Variants in IGSF11 observed in about 807,000 individuals in gnomAD.
IGSF11 encodes immunoglobulin superfamily member 11.
IGSF11 carries 22 observed loss-of-function variants against 41.0 expected under a neutral mutation model. The observed-to-expected ratio is 0.54, with a 90% CI of 0.38 to 0.77. The LOEUF (loss-of-function observed/expected upper bound fraction) is 0.77, where lower values mean the gene tolerates loss of function less well. Among genes scored for constraint, IGSF11 ranks in the 30% least tolerant of loss-of-function variants. The pLI is 0.00. For missense variants in IGSF11, 444 were observed against 530.8 expected, an observed-to-expected ratio of 0.84 and a Z score of 1.61; for synonymous variants, 219 against 201.3, an observed-to-expected ratio of 1.09 and a Z score of -0.74.
intron 1 of IGSF11, among the ~76,000 whole-genome samples, chr3:118,982,838 G>C (rs115420846): frequency 6.6e-6 from 1 of 152,040 alleles, no homozygotes; most frequent in Admixed American, 6.5e-5. Context: ...TGACAAACTC[G>C]CAGCAGTTTT....
intron 1 of IGSF11, among the ~76,000 whole-genome samples, chr3:119,092,925 T>C (rs552607780): frequency 4.5e-4 from 68 of 152,352 alleles, no homozygotes; most frequent in Non-Finnish European, 9.1e-4. Context: ...AGGTGTTTAG[T>C]AGGGCTATAC....
intron 1 of IGSF11, among the ~76,000 whole-genome samples, chr3:119,028,260 T>C (rs527337062): frequency 6.6e-6 from 1 of 152,214 alleles, no homozygotes; most frequent in East Asian, 1.9e-4. Context: ...TACATAGACT[T>C]CAGGAGGAGA....
intron 4 of IGSF11, among the ~76,000 whole-genome samples, chr3:118,924,632 T>G (rs1011691122): frequency 6.6e-6 from 1 of 152,154 alleles, no homozygotes. Context: ...GGATATGATA[T>G]CAAGAAATCT....
intron 1 of IGSF11, among the ~76,000 whole-genome samples, chr3:118,950,043 A>C (rs983059969): frequency 2.6e-5 from 4 of 152,208 alleles, no homozygotes; most frequent in Non-Finnish European, 5.9e-5. Context: ...AAGAGGGAAA[A>C]TATAAAGAAT....
chr3:119,104,518 A>G (rs1220489977), intron 1 of IGSF11, among the ~76,000 whole-genome samples: 1 of 152,186 alleles, frequency 6.6e-6, no homozygotes, highest in Non-Finnish European at 1.5e-5. Flanking sequence ...TATTATTTAC[A>G]AAAGCACTGT....
chr3:119,034,935 CACT>C, upstream of IGSF11: 22 of 778,714 alleles, frequency 2.8e-5, no homozygotes, highest in South Asian at 6.1e-5. Context: ...CCGCGCCGCC[CACT>C]CGCCCCGCTT....
chr3:118,918,790 C>A (rs796783676), intron 4 of IGSF11, among the ~76,000 whole-genome samples: 19,364 of 134,850 alleles, frequency 0.14, 733 homozygotes, highest in African/African-American at 0.33. Flanking sequence ...AAAAAGAGCC[C>A]GCATCGCCAA....
intron 1 of IGSF11, among the ~76,000 whole-genome samples, chr3:118,956,835 G>C (rs1313792644): frequency 1.3e-5 from 2 of 152,188 alleles, no homozygotes; most frequent in African/African-American, 2.4e-5. Context: ...TGGGAAAACA[G>C]TGCTGATAGA....
At chr3:119,057,814 C>T (rs371805646) in intron 1 of IGSF11, among the ~76,000 whole-genome samples, 11 of 152,034 alleles carry the variant, frequency 7.2e-5, no homozygotes, top group Non-Finnish European at 1.2e-4. Context: ...TCAGAAATAA[C>T]GCTGCATATC....
At chr3:119,045,213 T>A (rs1316236385) in intron 1 of IGSF11, among the ~76,000 whole-genome samples, 1 of 152,186 alleles carries the variant, frequency 6.6e-6, no homozygotes, top group Non-Finnish European at 1.5e-5. Flanking sequence ...GGGTGATTTC[T>A]GCATTTCCAT....
At chr3:119,014,751 G>C (rs1410040450) in intron 1 of IGSF11, among the ~76,000 whole-genome samples, 1 of 152,150 alleles carries the variant, frequency 6.6e-6, no homozygotes, top group Non-Finnish European at 1.5e-5. Context: ...AAAGAGTTGA[G>C]TATAGAGGAG....
chr3:119,083,471 T>A (rs2076617590), intron 1 of IGSF11, among the ~76,000 whole-genome samples: 1 of 151,272 alleles, frequency 6.6e-6, no homozygotes, highest in African/African-American at 2.4e-5. Flanking sequence ...CTGACCTAAT[T>A]GATCTATAGA....
Position 118,902,253 on chromosome 3 carries a change from C to T in IGSF11, c.*267G>A, listed in dbSNP as rs532548968. On this transcript the variant is annotated 3_prime_UTR_variant, in exon 7 of 7. Transcript: ENST00000393775. ...TTTGGATTTTAAGTACTATTCTGCT[C>T]TTGTATCTTTTTCCTTGGCTTGGCA... 40 of 412,668 alleles carry T rather than the reference C, an allele frequency of 9.7e-5. No homozygotes were observed. The South Asian group carries it at 1.6e-3, about 17-fold the overall frequency. 25.6% of individuals were successfully genotyped at this position (412,668 alleles called of 1,614,324 possible).
chr3:119,076,033 A>C (rs970066140), intron 1 of IGSF11, among the ~76,000 whole-genome samples: 3 of 152,200 alleles, frequency 2.0e-5, no homozygotes, highest in Non-Finnish European at 2.9e-5. Flanking sequence ...ACAGTAACCA[A>C]AACAGCATGG....
At chr3:118,918,273 G>A (rs1398356386) in intron 4 of IGSF11, among the ~76,000 whole-genome samples, 2 of 115,506 alleles carry the variant, frequency 1.7e-5, no homozygotes, top group African/African-American at 4.8e-5. Flanking sequence ...TCAGGCAGGA[G>A]AAGGAAATAA....
At chr3:119,004,313 C>T (rs1937239814) in intron 1 of IGSF11, among the ~76,000 whole-genome samples, 2 of 150,774 alleles carry the variant, frequency 1.3e-5, no homozygotes, top group Admixed American at 6.6e-5. Flanking sequence ...GGTGATACCC[C>T]TTTATCATTT....
intron 1 of IGSF11, among the ~76,000 whole-genome samples, chr3:119,065,546 A>T (rs1355422154): frequency 1.3e-5 from 2 of 152,182 alleles, no homozygotes; most frequent in African/African-American, 4.8e-5. Context: ...TAATCCCAGC[A>T]CTTTGGGAAG....
At chr3:118,988,493 A>T (rs564605770) in intron 1 of IGSF11, among the ~76,000 whole-genome samples, 13 of 152,268 alleles carry the variant, frequency 8.5e-5, no homozygotes, top group Admixed American at 3.9e-4. Context: ...ATCACAGGAA[A>T]TTGGGCAAGT....
chr3:119,058,994 G>C (rs1376764684), intron 1 of IGSF11, among the ~76,000 whole-genome samples: 1 of 151,726 alleles, frequency 6.6e-6, no homozygotes, highest in Non-Finnish European at 1.5e-5. Flanking sequence ...GGAGAGGGGA[G>C]GGATAGCATT....
Sources: allele counts gnomAD v4.1 joint callset (sites outside exome capture counted in the v4.1 genomes callset), GRCh38; gene constraint gnomAD v4.1.1; transcripts MANE v1.5; gene names NCBI Gene and HGNC (gene_info 2026-07-23, HGNC 2026-07-21).